KCTD8: variants seen among roughly 807,000 people sequenced by gnomAD.
KCTD8 encodes potassium channel tetramerization domain containing 8.
A neutral mutation model predicts 31.5 loss-of-function variants in KCTD8; 27 were observed. The observed-to-expected ratio is 0.86, with a 90% confidence interval of 0.63 to 1.18. KCTD8 has a LOEUF of 1.18. Ranked by LOEUF, KCTD8 falls within the 50% of genes most tolerant of loss-of-function variation. KCTD8 has a pLI of 0.00. For missense variants in KCTD8, 658 were observed against 647.7 expected, an observed-to-expected ratio of 1.02 and a Z score of -0.17; for synonymous variants, 290 against 280.0, an observed-to-expected ratio of 1.04 and a Z score of -0.36.
intron 1 of KCTD8, among the ~76,000 whole-genome samples, chr4:44,202,701 T>A (rs550199666): frequency 1.3e-5 from 2 of 152,068 alleles, no homozygotes; most frequent in African/African-American, 4.8e-5. Flanking sequence ...GGTGATAGGA[T>A]CACCTGTACT....
chr4:44,260,985 G>GT (rs1348366077), intron 1 of KCTD8, among the ~76,000 whole-genome samples: 4 of 151,962 alleles, frequency 2.6e-5, no homozygotes, highest in Non-Finnish European at 1.5e-5. Flanking sequence ...TGAAAGTAAC[G>GT]TAATAAATGT....
intron 1 of KCTD8, among the ~76,000 whole-genome samples, chr4:44,269,853 A>G (rs1716525114): frequency 6.6e-6 from 1 of 152,158 alleles, no homozygotes; most frequent in Non-Finnish European, 1.5e-5. Context: ...ACCATCTCAC[A>G]CCAGTTAGGA....
chr4:44,204,828 ATAT>A lies in KCTD8; in HGVS notation c.962-29581_962-29579del, dbSNP rs1226859104. On this transcript the variant is annotated intron_variant, in intron 1 of 1. Transcript: ENST00000360029. ...ACTATAAATATAGGGAACAAATAAA[ATAT>A]TATTTTTATTTGATAGTATGGTTTA... Among the ~76,000 whole-genome samples, 7 of 152,070 alleles carry A rather than the reference ATAT, an allele frequency of 4.6e-5. No homozygotes were observed. The East Asian group carries it at 1.2e-3, about 25-fold the overall frequency.
rs911808787 is a variant in KCTD8 at position 44,273,369 on chromosome 4, A to T, written c.962-98119T>A. ...GTGTACGTATGTCATATGTACATTA[A>T]CAAAGCTGTACATAAAAATTTTCTA... On this transcript the variant is annotated intron_variant, in intron 1 of 1. Coordinates refer to ENST00000360029, the MANE Select transcript of KCTD8 (RefSeq NM_198353.3). 2.0e-5 allele frequency among the ~76,000 whole-genome samples: 3 copies of T among 151,996 alleles called. No individual in the cohort carries two copies. In the East Asian group the frequency reaches 5.8e-4, roughly 29 times the overall value.
chr4:44,351,486 T>C (rs923168350), intron 1 of KCTD8, among the ~76,000 whole-genome samples: 6 of 152,096 alleles, frequency 3.9e-5, no homozygotes, highest in Non-Finnish European at 8.8e-5. Context: ...TAACACAAAT[T>C]GCTACAAAAT....
chr4:44,270,079 G>A (rs1716533434), intron 1 of KCTD8, among the ~76,000 whole-genome samples: 1 of 152,082 alleles, frequency 6.6e-6, no homozygotes, highest in Non-Finnish European at 1.5e-5. Flanking sequence ...CTGCTATAAA[G>A]ACACATGCAC....
At chr4:44,287,647 G>A (rs1011395435) in intron 1 of KCTD8, among the ~76,000 whole-genome samples, 3 of 152,060 alleles carry the variant, frequency 2.0e-5, no homozygotes, top group African/African-American at 7.2e-5. Flanking sequence ...GCCATCTGTG[G>A]CAAATAAATA....
chr4:44,317,395 G>A (rs1405206940), intron 1 of KCTD8, among the ~76,000 whole-genome samples: 5 of 142,988 alleles, frequency 3.5e-5, no homozygotes, highest in East Asian at 2.0e-4. Context: ...GCCCGCCACC[G>A]CACCCGGCTA....
At chr4:44,222,510 A>C (rs1252771428) in intron 1 of KCTD8, among the ~76,000 whole-genome samples, 1 of 152,164 alleles carries the variant, frequency 6.6e-6, no homozygotes, top group African/African-American at 2.4e-5. Context: ...GAGCTGGAGA[A>C]TCCATGGATT....
intron 1 of KCTD8, among the ~76,000 whole-genome samples, chr4:44,193,833 G>C (rs1200576995): frequency 6.6e-6 from 1 of 151,982 alleles, no homozygotes; most frequent in Non-Finnish European, 1.5e-5. Flanking sequence ...GCATATTTCT[G>C]TGAATTCAGA....
At chr4:44,199,560 G>C (rs1560392824) in intron 1 of KCTD8, among the ~76,000 whole-genome samples, 1 of 152,020 alleles carries the variant, frequency 6.6e-6, no homozygotes, top group South Asian at 2.1e-4. Context: ...TAACTCTTGG[G>C]TGAATGACAA....
chr4:44,448,511 C>A lies in KCTD8; in HGVS notation c.13G>T (p.Asp5Tyr). The A allele has an allele frequency of 6.7e-7, 1 of 1,482,142 alleles. No individual in the cohort carries two copies. Among genetic ancestry groups the A allele is most frequent in the Non-Finnish European group, 8.9e-7 (1 of 1,120,480 alleles). 91.8% of individuals were successfully genotyped at this position (1,482,142 alleles called of 1,614,324 possible). The change falls in exon 1 of 2, where the codon GAC becomes TAC. Residue 5 changes from aspartate to tyrosine, a missense_variant. Physicochemically the swap from Asp to Tyr is radical, Grantham distance 160. Coordinates refer to ENST00000360029, the MANE Select transcript of KCTD8 (RefSeq NM_198353.3). The surrounding 1 kb of genome is among the most constrained non-coding windows in gnomAD (Gnocchi z 4.1). ...ATGGTGCTGCCGCCGCTGCCCGTGT[C>A]CTTCAGAGCCATAGTCCCCCCGCCG... MALK[D>Y]TGSGGSTILP...
At chr4:44,337,486 C>T (rs1718779594) in intron 1 of KCTD8, among the ~76,000 whole-genome samples, 1 of 151,708 alleles carries the variant, frequency 6.6e-6, no homozygotes, top group Non-Finnish European at 1.5e-5. Flanking sequence ...CCAGCTTGGC[C>T]AGTATGGTGA....
intron 1 of KCTD8, among the ~76,000 whole-genome samples, chr4:44,207,963 G>A (rs1156690123): frequency 6.6e-6 from 1 of 152,152 alleles, no homozygotes; most frequent in African/African-American, 2.4e-5. Context: ...AATCAAAGAT[G>A]CAAAGACCTA....
chr4:44,235,278 C>A (rs1577845308), intron 1 of KCTD8, among the ~76,000 whole-genome samples: 1 of 148,826 alleles, frequency 6.7e-6, no homozygotes, highest in Admixed American at 6.7e-5. Flanking sequence ...AAGAGTTAAG[C>A]AAACAGTTGA....
chr4:44,320,716 T>C (rs1718271533), intron 1 of KCTD8, among the ~76,000 whole-genome samples: 1 of 148,472 alleles, frequency 6.7e-6, no homozygotes, highest in African/African-American at 2.5e-5. Context: ...TGTGTTTTAA[T>C]AAATGAAAAC....
At chr4:44,300,706 C>T (rs1419131605) in intron 1 of KCTD8, among the ~76,000 whole-genome samples, 1 of 151,884 alleles carries the variant, frequency 6.6e-6, no homozygotes, top group Non-Finnish European at 1.5e-5. Flanking sequence ...GTAGGATTAT[C>T]AATAAGAACT....
chr4:44,266,267 C>T (rs959767662), intron 1 of KCTD8, among the ~76,000 whole-genome samples: 7 of 151,766 alleles, frequency 4.6e-5, no homozygotes, highest in African/African-American at 1.7e-4. Context: ...GAATTTTCAA[C>T]CCAGAATTTC....
chr4:44,187,856 T>A (rs1713633507), intron 1 of KCTD8, among the ~76,000 whole-genome samples: 1 of 152,060 alleles, frequency 6.6e-6, no homozygotes, highest in African/African-American at 2.4e-5. Context: ...CCACGCTGGT[T>A]GTAAATTATT....
Sources: allele counts gnomAD v4.1 joint callset (sites outside exome capture counted in the v4.1 genomes callset), GRCh38; gene constraint gnomAD v4.1.1; non-coding constraint Gnocchi (gnomAD v3.1); transcripts MANE v1.5; gene names NCBI Gene and HGNC (gene_info 2026-07-23, HGNC 2026-07-21).